The following ASCC3 variants were observed in gnomAD, a reference collection of about 807,000 sequenced individuals.
The protein encoded by ASCC3 is ASC-1 complex subunit P200.
Under a neutral mutation model 256.3 loss-of-function variants are expected in ASCC3, and 158 were observed. The observed-to-expected ratio is 0.62, with a 90% CI of 0.54 to 0.70. ASCC3 has a LOEUF of 0.70. ASCC3 is among the 30% of genes least tolerant of loss of function. The probability of loss-of-function intolerance (pLI) is 0.00; values close to 1 mark genes in which losing one functional copy is unlikely to be tolerated. For missense variants in ASCC3, 2,259 were observed against 2,626.0 expected, an observed-to-expected ratio of 0.86 and a Z score of 3.05; for synonymous variants, 948 against 883.4, an observed-to-expected ratio of 1.07 and a Z score of -1.30.
chr6:100,585,753 T>C (rs1461861278), intron 36 of ASCC3, among the ~76,000 whole-genome samples: 1 of 152,082 alleles, frequency 6.6e-6, no homozygotes, highest in Non-Finnish European at 1.5e-5. Context: ...TACAGATAGG[T>C]TTTTGGTATG....
At chr6:100,668,163 A>G (rs1485281982) in intron 14 of ASCC3, among the ~76,000 whole-genome samples, 1 of 152,032 alleles carries the variant, frequency 6.6e-6, no homozygotes, top group Non-Finnish European at 1.5e-5. Context: ...GGGAGAGATC[A>G]TATGTCTACA....
chr6:100,583,042 A>G (rs539165433), intron 36 of ASCC3, among the ~76,000 whole-genome samples: 8 of 152,238 alleles, frequency 5.3e-5, no homozygotes, highest in African/African-American at 1.9e-4. Context: ...ATTGGTCTAA[A>G]ATTCTCTTTT....
At chr6:100,823,101 C>T (rs572954818) in intron 4 of ASCC3, among the ~76,000 whole-genome samples, 1 of 152,244 alleles carries the variant, frequency 6.6e-6, no homozygotes, top group South Asian at 2.1e-4. Context: ...TCCGTAACTC[C>T]AAGATGATCC....
chr6:100,715,085 TG>T (rs1779028607), intron 13 of ASCC3: 1 of 157,406 alleles, frequency 6.4e-6, no homozygotes, highest in Non-Finnish European at 1.4e-5. Flanking sequence ...ACAATCTTGA[TG>T]GGAGTATATT....
At chr6:100,790,287 T>C (rs1562298342) in intron 8 of ASCC3, among the ~76,000 whole-genome samples, 2 of 151,938 alleles carry the variant, frequency 1.3e-5, no homozygotes, top group African/African-American at 2.4e-5. Context: ...TGTCACAAAA[T>C]GTGCAAATGG....
chr6:100,868,063 A>G (rs1773562730), intron 1 of ASCC3, 25 bp from the exon 2 acceptor site: 4 of 1,288,188 alleles, frequency 3.1e-6, no homozygotes, highest in Non-Finnish European at 4.5e-6. Flanking sequence ...GATGATATTT[A>G]TCTGTTCGGA....
intron 8 of ASCC3, among the ~76,000 whole-genome samples, chr6:100,784,019 A>G (rs1234294608): frequency 6.6e-6 from 1 of 152,150 alleles, no homozygotes; most frequent in African/African-American, 2.4e-5. Context: ...TAAATTGCAG[A>G]GCAAAGATTG....
chr6:100,856,062 G>C (rs1417808104), intron 3 of ASCC3, among the ~76,000 whole-genome samples: 2 of 152,152 alleles, frequency 1.3e-5, no homozygotes, highest in Non-Finnish European at 2.9e-5. Context: ...ATAATGCCTA[G>C]ATGTGGAGCA....
intron 26 of ASCC3, among the ~76,000 whole-genome samples, chr6:100,630,110 C>T (rs1774460642): frequency 6.6e-6 from 1 of 151,716 alleles, no homozygotes; most frequent in Non-Finnish European, 1.5e-5. Flanking sequence ...GGCTGGTCTC[C>T]AACTCCTTTT....
intron 11 of ASCC3, among the ~76,000 whole-genome samples, chr6:100,719,185 TG>T (rs1779211981): frequency 6.6e-6 from 1 of 152,108 alleles, no homozygotes; most frequent in South Asian, 2.1e-4. Context: ...AAAGTAGAGA[TG>T]GGTAAAAATT....
chr6:100,807,627 T>A (rs904690088), intron 4 of ASCC3, among the ~76,000 whole-genome samples: 1 of 151,858 alleles, frequency 6.6e-6, no homozygotes, highest in Non-Finnish European at 1.5e-5. Context: ...TAGTGTCAAA[T>A]AAATTAGTAA....
At chr6:100,783,573 C>A (rs543699320) in intron 8 of ASCC3, among the ~76,000 whole-genome samples, 2 of 152,256 alleles carry the variant, frequency 1.3e-5, no homozygotes, top group African/African-American at 4.8e-5. Context: ...CTACCAGAAA[C>A]CCATTTCATG....
Position 100,679,737 on chromosome 6 carries a change from G to A in ASCC3, c.2167C>T (p.His723Tyr). The part of the protein sequence containing the change: ...KAGHQVMVFV[H>Y]ARNATVRTAM... ...GTTCTTACAGTGGCATTTCGAGCAT[G>A]TACAAACACCATCACCTGAAAAAAA... Residue 723 changes from histidine (H) to tyrosine (Y), a missense_variant, in exon 14 of 42, where the codon CAT becomes TAT. Coordinates refer to ENST00000369162, the MANE Select transcript of ASCC3 (RefSeq NM_006828.4). The A allele has an allele frequency of 6.2e-7, 1 of 1,613,538 alleles. No homozygotes were observed. Among genetic ancestry groups the A allele is most frequent in the Non-Finnish European group, 8.5e-7 (1 of 1,179,666 alleles).
chr6:100,608,936 T>C (rs1397533333), intron 30 of ASCC3, among the ~76,000 whole-genome samples: 2 of 147,862 alleles, frequency 1.4e-5, no homozygotes, highest in African/African-American at 2.5e-5. Context: ...TCTAATTTTT[T>C]GTATTTTTAG....
At chr6:100,809,939 T>C (rs1770377880) in intron 4 of ASCC3, among the ~76,000 whole-genome samples, 1 of 152,150 alleles carries the variant, frequency 6.6e-6, no homozygotes, top group African/African-American at 2.4e-5. Context: ...CAACCCATTA[T>C]GTCATATGCC....
rs1376986772 is a variant in ASCC3 at position 100,655,752 on chromosome 6, C to G, written c.2770G>C (p.Val924Leu). 4 of 1,611,700 alleles carry G rather than the reference C, an allele frequency of 2.5e-6. No individual in the cohort carries two copies. The highest frequency in any genetic ancestry group is 3.4e-6 in the Non-Finnish European group (4 of 1,178,936). The part of the protein sequence containing the change: ...VKWISYTYLY[V>L]RMRANPLAYG... ...GCTAATGGATTTGCTCTCATCCGTA[C>G]ATAAAGATAAGTGTAACTTATCCAC... Residue 924 changes from valine to leucine, a missense_variant, in exon 17 of 42, where the codon GTA becomes CTA. Around this residue, in one of 2 missense-constraint regions of ASCC3, gnomAD observed 1,839 missense variants for 2,206.7 expected, o/e 0.83. Transcript: ENST00000369162.
Position 100,600,428 on chromosome 6 carries a change from T to C in ASCC3, c.5303+1382A>G, listed in dbSNP as rs190783346. Among the ~76,000 whole-genome samples the C allele has an allele frequency of 1.2e-4, 18 of 152,218 alleles. No homozygotes were observed. The East Asian group carries it at 2.9e-3, about 24-fold the overall frequency. ...AATCCTGTAATGTGTTTGTTTACTG[T>C]GGTAAATGTGCAGTTCTGGATGGCT... On this transcript the variant is annotated intron_variant, in intron 34 of 41. Coordinates refer to ENST00000369162, the MANE Select transcript of ASCC3 (RefSeq NM_006828.4).
At position 100,646,810 on chromosome 6, in the gene ASCC3, G is replaced by A. The variant is rs746221920; in HGVS notation, c.3479-41C>T. On this transcript the variant is annotated intron_variant, in intron 21 of 41. Coordinates refer to ENST00000369162, the MANE Select transcript of ASCC3 (RefSeq NM_006828.4). ...CACATAGAAGAAATGTGTCCAGGCA[G>A]AAAAAAGCAATATAATCTGACTTGT... 3 of 1,592,184 alleles carry A rather than the reference G, an allele frequency of 1.9e-6. No homozygotes were observed. The Admixed American group carries it at 5.0e-5, about 27-fold the overall frequency.
chr6:100,541,480 G>T (rs1357067434), intron 36 of ASCC3, among the ~76,000 whole-genome samples: 1 of 152,158 alleles, frequency 6.6e-6, no homozygotes, highest in African/African-American at 2.4e-5. Context: ...ACACCTGGAG[G>T]ACTACCTGTA....
Sources: gnomAD v4.1 joint callset for allele counts (sites outside exome capture counted in the v4.1 genomes callset) on GRCh38, gnomAD v4.1.1 for gene constraint, gnomAD v4.1.1 regional missense constraint, MANE v1.5 for transcripts, NCBI Gene and HGNC (gene_info 2026-07-23, HGNC 2026-07-21) for gene names.